The following EIF2AK1 variants were observed in gnomAD, a reference collection of about 807,000 sequenced individuals.
EIF2AK1 encodes eukaryotic translation initiation factor 2-alpha kinase 1.
A neutral mutation model predicts 77.9 loss-of-function variants in EIF2AK1; 54 were observed. That is an observed-to-expected ratio of 0.69 (90% CI 0.56 to 0.87). EIF2AK1 has a LOEUF of 0.87. Among genes scored for constraint, EIF2AK1 ranks in the 40% least tolerant of loss-of-function variants. EIF2AK1 has a pLI of 0.00. For synonymous variants in EIF2AK1, 314 were observed against 290.5 expected (o/e 1.08, Z -0.82); for missense variants, 810 against 768.6 (o/e 1.05, Z -0.64).
chr7:6,050,212 T>C (rs898653965), intron 2 of EIF2AK1, among the ~76,000 whole-genome samples, 167 bp from the exon 3 acceptor site: 1 of 150,688 alleles, frequency 6.6e-6, no homozygotes, highest in Admixed American at 6.6e-5. Context: ...TTCTCTAGAA[T>C]AACGTAAAAG....
intron 11 of EIF2AK1, among the ~76,000 whole-genome samples, chr7:6,031,083 T>C (rs1467558685): frequency 1.3e-5 from 2 of 152,242 alleles, no homozygotes; most frequent in African/African-American, 4.8e-5. Context: ...GCTTTGATCA[T>C]TGTTTCAGCT....
In EIF2AK1 at chr7:6,042,974, C is replaced by T. The variant is rs200281427; in HGVS notation, c.750G>A (p.Glu250=). The T allele has an allele frequency of 2.4e-5, 38 of 1,614,128 alleles. 1 individual carries two copies. The East Asian group carries it at 4.9e-4, about 21-fold the overall frequency. ...IQPRADRAAI[E]LPSLEVLSDQ... Reference sequence around the variant, plus strand: ...CGGAGAGCACTTCCAGAGATGGCAACTCAATGGCAGCTCTGTCTGCTGAAT... The same window carrying T: ...CGGAGAGCACTTCCAGAGATGGCAATTCAATGGCAGCTCTGTCTGCTGAAT... The change falls in exon 8 of 15, where the codon GAG becomes GAA. Residue 250 remains glutamate (E), a synonymous_variant. Coordinates refer to ENST00000199389, the MANE Select transcript of EIF2AK1 (RefSeq NM_014413.4).
At chr7:6,058,452 G>A (rs1788856634) in intron 1 of EIF2AK1, among the ~76,000 whole-genome samples, 1 of 152,076 alleles carries the variant, frequency 6.6e-6, no homozygotes, top group Non-Finnish European at 1.5e-5. Context: ...AACCAAAGAC[G>A]TTTATTTATT....
Position 6,023,569 on chromosome 7 carries a change from CT to C in EIF2AK1, c.*1103del. On this transcript the variant is annotated 3_prime_UTR_variant, in exon 15 of 15. Coordinates refer to ENST00000199389, the MANE Select transcript of EIF2AK1 (RefSeq NM_014413.4). ...TGAACTCACCGTAGCAGACGTGGTGCTGTGGTCTGTACTCCAGCAGATCGGA... is the reference window on the plus strand; with the variant it reads ...TGAACTCACCGTAGCAGACGTGGTGCGTGGTCTGTACTCCAGCAGATCGGA... 6.2e-7 allele frequency: 1 copy of C among 1,614,206 alleles called. No individual in the cohort carries two copies. The highest frequency in any genetic ancestry group is 1.3e-5 in the African/African-American group (1 of 75,054).
intron 2 of EIF2AK1, among the ~76,000 whole-genome samples, chr7:6,053,918 C>T (rs1160507001): frequency 6.7e-6 from 1 of 150,204 alleles, no homozygotes; most frequent in Non-Finnish European, 1.5e-5. Flanking sequence ...GTGATTCACC[C>T]ACCTTGGCCT....
In EIF2AK1 at chr7:6,038,614, C is replaced by G. The variant is rs754863300; in HGVS notation, c.1177G>C (p.Asp393His). The G allele has an allele frequency of 1.2e-6, 2 of 1,613,444 alleles. No homozygotes were observed. The highest frequency in any genetic ancestry group is 3.3e-5 in the Admixed American group (2 of 59,920). The change falls in exon 10 of 15, where the codon GAT becomes CAT. Residue 393 changes from aspartate (D) to histidine (H), a missense_variant. By Grantham distance (81) the Asp-to-His change is moderately conservative. This residue lies in a region of EIF2AK1 where 549 missense variants were observed against 533.7 expected (regional missense o/e 1.03). Transcript: ENST00000199389. ...CGCTTGTTTCTCTCGACTATCCAATCCCACAGCGAGAGCTCACACAGCTGC... is the reference window on the plus strand; with the variant it reads ...CGCTTGTTTCTCTCGACTATCCAATGCCACAGCGAGAGCTCACACAGCTGC... ...QMQLCELSLW[D>H]WIVERNKRGR...
chr7:6,059,127 A>T lies in EIF2AK1; in HGVS notation c.-44T>A. 9.5e-6 allele frequency: 12 copies of T among 1,263,120 alleles called. No homozygotes were observed. The highest frequency in any genetic ancestry group is 1.2e-5 in the Non-Finnish European group (12 of 976,810). 78.2% of individuals were successfully genotyped at this position (1,263,120 alleles called of 1,614,324 possible). A position where few individuals can be genotyped will look rare whatever the true frequency, so the allele number is the denominator to read the frequency against. ...CGCAGCCCAGCCCGCCGGCCAGCCCAGCACTGCCACACTCCGATGCTGCAG... is the reference window on the plus strand; with the variant it reads ...CGCAGCCCAGCCCGCCGGCCAGCCCTGCACTGCCACACTCCGATGCTGCAG... On this transcript the variant is annotated 5_prime_UTR_variant, in exon 1 of 15. Coordinates refer to ENST00000199389, the MANE Select transcript of EIF2AK1 (RefSeq NM_014413.4).
intron 3 of EIF2AK1, 104 bp from the exon 4 acceptor site, chr7:6,048,948 A>G: frequency 2.8e-6 from 2 of 718,660 alleles, no homozygotes; most frequent in Non-Finnish European, 2.3e-6. Flanking sequence ...TGCATAAACA[A>G]TATTTTAAAA....
chr7:6,048,842 A>C lies in EIF2AK1; in HGVS notation c.414T>G (p.Asp138Glu). 6.3e-7 allele frequency: 1 copy of C among 1,579,500 alleles called. No homozygotes were observed. The highest frequency in any genetic ancestry group is 8.6e-7 in the Non-Finnish European group (1 of 1,169,490). Residue 138 changes from aspartate to glutamate, a missense_variant and splice_region_variant, in exon 4 of 15, where the codon GAT becomes GAG. Transcript: ENST00000199389. ...GGATACGAGAAATATCCTCACAAGGATCCTACAATTAAAAAATTGTTTTTA... is the reference window on the plus strand; with the variant it reads ...GGATACGAGAAATATCCTCACAAGGCTCCTACAATTAAAAAATTGTTTTTA... ...MRSAKERVRQ[D>E]PCEDISRIQK...
rs558911291 is a variant in EIF2AK1, at chr7:6,042,054, T to C, written c.792-835A>G. Among the ~76,000 whole-genome samples the C allele has an allele frequency of 4.0e-5, 6 of 151,396 alleles. No individual in the cohort carries two copies. In the South Asian group the frequency reaches 6.3e-4, roughly 16 times the overall value. On this transcript the variant is annotated intron_variant, in intron 8 of 14. Transcript: ENST00000199389. ...GTCCCAGCTACTCAGGCAGCTAAGGTGGGAGGATTGCCTGAGTCCAGGAGT... is the reference window on the plus strand; with the variant it reads ...GTCCCAGCTACTCAGGCAGCTAAGGCGGGAGGATTGCCTGAGTCCAGGAGT...
At chr7:6,037,913 T>C (rs991274670) in intron 10 of EIF2AK1, among the ~76,000 whole-genome samples, 31 of 151,846 alleles carry the variant, frequency 2.0e-4, no homozygotes, top group African/African-American at 7.0e-4. Flanking sequence ...TCTGGTATCC[T>C]AGCCCACAGT....
In EIF2AK1 at chr7:6,049,902, T is replaced by C. The variant is rs1259557109; in HGVS notation, c.411+10A>G. 1 of 1,602,162 alleles carries C rather than the reference T, an allele frequency of 6.2e-7. No homozygotes were observed. Among genetic ancestry groups the C allele is most frequent in the Non-Finnish European group, 8.5e-7 (1 of 1,177,106 alleles). On this transcript the variant is annotated intron_variant, in intron 3 of 14. Coordinates refer to ENST00000199389, the MANE Select transcript of EIF2AK1 (RefSeq NM_014413.4). ...TTTGTCATACCCAAAGTATATTTTTTAGGGCTTACCTGACGAACTCTCTCT... is the reference window on the plus strand; with the variant it reads ...TTTGTCATACCCAAAGTATATTTTTCAGGGCTTACCTGACGAACTCTCTCT...
intron 14 of EIF2AK1, among the ~76,000 whole-genome samples, chr7:6,025,614 A>AG (rs1787721496): frequency 6.6e-6 from 1 of 152,216 alleles, no homozygotes; most frequent in African/African-American, 2.4e-5. Context: ...TATGAGTCTA[A>AG]GCTCGACTAT....
At position 6,033,855 on chromosome 7, in the gene EIF2AK1, C is replaced by T. The variant is rs976753637; in HGVS notation, c.1332+3569G>A. Among the ~76,000 whole-genome samples the T allele has an allele frequency of 6.6e-6, 1 of 151,816 alleles. No individual in the cohort carries two copies. The highest frequency in any genetic ancestry group is 2.4e-5 in the African/African-American group (1 of 41,344). On this transcript the variant is annotated intron_variant, in intron 11 of 14. Transcript: ENST00000199389. The surrounding 1 kb of genome is among the most constrained non-coding windows in gnomAD (Gnocchi z 4.4). Reference sequence around the variant, plus strand: ...AAGTGCTGGGATTACAGGCGTGAGCCGCCGTGCCTGGCCGACAATGGATTT... The same window carrying T: ...AAGTGCTGGGATTACAGGCGTGAGCTGCCGTGCCTGGCCGACAATGGATTT...
chr7:6,049,954 A>C lies in EIF2AK1; in HGVS notation c.369T>G (p.Ala123=). ...TAGCAGACCTCATTAAGTGAGTAATAGCTCTGTTGTGATGTAGTCTCAATG... is the reference window on the plus strand; with the variant it reads ...TAGCAGACCTCATTAAGTGAGTAATCGCTCTGTTGTGATGTAGTCTCAATG... ...FSSLRLHHNR[A]ITHLMRSAKE... The change falls in exon 3 of 15, where the codon GCT becomes GCG. Residue 123 remains alanine, a synonymous_variant. Coordinates refer to ENST00000199389, the MANE Select transcript of EIF2AK1 (RefSeq NM_014413.4). 1.2e-6 allele frequency: 2 copies of C among 1,613,096 alleles called. No homozygotes were observed. Among genetic ancestry groups the C allele is most frequent in the Non-Finnish European group, 8.5e-7 (1 of 1,179,688 alleles).
chr7:6,050,602 CT>C (rs576925022), intron 2 of EIF2AK1, among the ~76,000 whole-genome samples: 30,853 of 132,690 alleles, frequency 0.23, 3,113 homozygotes, highest in East Asian at 0.37. Context: ...AATTACTTCT[CT>C]TTTTTTTTTT....
At chr7:6,052,303 T>G (rs1028348900) in intron 2 of EIF2AK1, among the ~76,000 whole-genome samples, 1 of 152,048 alleles carries the variant, frequency 6.6e-6, no homozygotes, top group Admixed American at 6.6e-5. Flanking sequence ...TCTGCTTCTC[T>G]ATTTGATGAG....
intron 1 of EIF2AK1, among the ~76,000 whole-genome samples, chr7:6,057,017 G>A (rs1432951527): frequency 6.6e-6 from 1 of 151,720 alleles, no homozygotes; most frequent in Admixed American, 6.6e-5. Flanking sequence ...GCTTGGCTGG[G>A]CACAGTGGCT....
In EIF2AK1 at chr7:6,032,411, T is replaced by C. The variant is rs1013614419; in HGVS notation, c.1333-3379A>G. ...AGACAGAACATATGCTGCGTTATAT[T>C]TGAAAACCCTGAAGATTCAGGTTTT... On this transcript the variant is annotated intron_variant, in intron 11 of 14. Transcript: ENST00000199389. The surrounding 1 kb of genome is among the most constrained non-coding windows in gnomAD (Gnocchi z 4.3). 3.3e-5 allele frequency among the ~76,000 whole-genome samples: 5 copies of C among 152,186 alleles called. No homozygotes were observed. The highest frequency in any genetic ancestry group is 1.9e-4 in the East Asian group (1 of 5,194).
Sources: allele counts gnomAD v4.1 joint callset (sites outside exome capture counted in the v4.1 genomes callset), GRCh38; gene constraint gnomAD v4.1.1; regional missense constraint gnomAD v4.1.1; non-coding constraint Gnocchi (gnomAD v3.1); transcripts MANE v1.5; gene names NCBI Gene and HGNC (gene_info 2026-07-23, HGNC 2026-07-21).